The following HLF variants were observed in gnomAD, a reference collection of about 807,000 sequenced individuals.
HLF encodes HLF transcription factor, PAR bZIP family member.
In HLF, 3 loss-of-function variants were observed where a neutral mutation model predicts 22.6. The observed-to-expected ratio is 0.13, with a 90% confidence interval of 0.06 to 0.34. The LOEUF is 0.34. Among genes scored for constraint, HLF ranks in the 10% least tolerant of loss-of-function variants. HLF has a pLI of 1.00. For missense variants in HLF, 299 were observed against 389.2 expected (o/e 0.77, Z 1.95); for synonymous variants, 151 against 151.8 (o/e 0.99, Z 0.04).
chr17:55,275,021 TA>T (rs1231053143), intron 2 of HLF, among the ~76,000 whole-genome samples: 1 of 152,204 alleles, frequency 6.6e-6, no homozygotes, highest in African/African-American at 2.4e-5. Flanking sequence ...TGACCTTGAG[TA>T]GCTAACTGTA....
chr17:55,313,348 G>C (rs886164976), intron 2 of HLF, among the ~76,000 whole-genome samples: 3 of 139,012 alleles, frequency 2.2e-5, no homozygotes, highest in African/African-American at 8.1e-5. Context: ...TGGTAGAGGA[G>C]GAGGTGTGTG....
chr17:55,291,071 G>A (rs1490319028), intron 2 of HLF, among the ~76,000 whole-genome samples: 2 of 152,168 alleles, frequency 1.3e-5, no homozygotes, highest in Non-Finnish European at 2.9e-5. Context: ...AGCTAGCAGA[G>A]GTTGGTTCAT....
At chr17:55,307,677 G>A (rs904303677) in intron 2 of HLF, among the ~76,000 whole-genome samples, 5 of 152,092 alleles carry the variant, frequency 3.3e-5, no homozygotes, top group South Asian at 2.1e-4. Context: ...TCAGTAGCTC[G>A]TGCTGTCCCC....
At chr17:55,319,443 G>A (rs960345377) in intron 3 of HLF, among the ~76,000 whole-genome samples, 1 of 152,174 alleles carries the variant, frequency 6.6e-6, no homozygotes. Flanking sequence ...TGTTGAAAAA[G>A]GGGAGTTGCA....
At chr17:55,314,095 C>T (rs900065396) in intron 2 of HLF, among the ~76,000 whole-genome samples, 2 of 152,052 alleles carry the variant, frequency 1.3e-5, no homozygotes, top group African/African-American at 4.8e-5. Flanking sequence ...ATTCATGGGG[C>T]GTGAGAGGAG....
At position 55,324,815 on chromosome 17, in the gene HLF, A is replaced by G. The variant is rs910717907; in HGVS notation, c.*3936A>G. 3.8e-5 allele frequency: 8 copies of G among 208,588 alleles called. No homozygotes were observed. The highest frequency in any genetic ancestry group is 7.6e-5 in the Non-Finnish European group (8 of 104,754). 12.9% of individuals were successfully genotyped at this position (208,588 alleles called of 1,614,324 possible). A position where few individuals can be genotyped will look rare whatever the true frequency, so the allele number is the denominator to read the frequency against. On this transcript the variant is annotated 3_prime_UTR_variant, in exon 4 of 4. Transcript: ENST00000226067. ...AGTGTGTGTGTGTGTGTGTGCGTGC[A>G]TGTGTGTGTGTGTGTATGTGTGTGA...
chr17:55,275,674 T>C (rs888256745), intron 2 of HLF, among the ~76,000 whole-genome samples: 2 of 152,218 alleles, frequency 1.3e-5, no homozygotes, highest in Admixed American at 6.5e-5. Flanking sequence ...CCTTAATCTT[T>C]CTGAACCTTG....
chr17:55,320,905 G>A lies in HLF; in HGVS notation c.*26G>A. 1 of 1,558,258 alleles carries A rather than the reference G, an allele frequency of 6.4e-7. No individual in the cohort carries two copies. The highest frequency in any genetic ancestry group is 2.3e-5 in the East Asian group (1 of 44,212). Reference sequence around the variant, plus strand: ...GATGGCATTTTTGCAGGCTGGCTTTGGAATAGATGGACAGTTTGTTTCCTG... The same window carrying A: ...GATGGCATTTTTGCAGGCTGGCTTTAGAATAGATGGACAGTTTGTTTCCTG... On this transcript the variant is annotated 3_prime_UTR_variant, in exon 4 of 4. Transcript: ENST00000226067. The surrounding 1 kb of genome is among the most constrained non-coding windows in gnomAD (Gnocchi z 4.2).
At position 55,320,418 on chromosome 17, in the gene HLF, C is replaced by T. The variant is rs555702561; in HGVS notation, c.673-246C>T. Among the ~76,000 whole-genome samples, 52 of 152,302 alleles carry T rather than the reference C, an allele frequency of 3.4e-4. No individual in the cohort carries two copies. The highest frequency in any genetic ancestry group is 8.3e-4 in the South Asian group (4 of 4,826). On this transcript the variant is annotated intron_variant, in intron 3 of 3. Coordinates refer to ENST00000226067, the MANE Select transcript of HLF (RefSeq NM_002126.5). The surrounding 1 kb of genome is among the most constrained non-coding windows in gnomAD (Gnocchi z 4.2). ...CCTCTGATCTCTGCTTCACTGAGCACGCCTCTGCTGGGCAAAGAGTAGGAG... is the reference window on the plus strand; with the variant it reads ...CCTCTGATCTCTGCTTCACTGAGCATGCCTCTGCTGGGCAAAGAGTAGGAG...
At chr17:55,316,194 C>T (rs1183367343) in intron 3 of HLF, among the ~76,000 whole-genome samples, 1 of 152,232 alleles carries the variant, frequency 6.6e-6, no homozygotes, top group Non-Finnish European at 1.5e-5. Flanking sequence ...TATGCCATGT[C>T]TGCTAATGCC....
At chr17:55,293,981 A>C (rs920479109) in intron 2 of HLF, among the ~76,000 whole-genome samples, 2 of 152,132 alleles carry the variant, frequency 1.3e-5, no homozygotes, top group African/African-American at 4.8e-5. Flanking sequence ...GGACACAGAG[A>C]GGGTAGTTTT....
In HLF at chr17:55,320,829, A is replaced by C; in HGVS notation, c.838A>C (p.Lys280Gln). The part of the protein sequence containing the change: ...EVADLRKELG[K>Q]CKNILAKYEA... Reference sequence around the variant, plus strand: ...GGCTGACTTGAGGAAGGAGCTGGGCAAATGCAAGAACATACTTGCCAAGTA... The same window carrying C: ...GGCTGACTTGAGGAAGGAGCTGGGCCAATGCAAGAACATACTTGCCAAGTA... Residue 280 changes from lysine (K) to glutamine (Q), a missense_variant, in exon 4 of 4, where the codon AAA (lysine) becomes CAA (glutamine). This residue lies in a region of HLF where 224 missense variants were observed against 298.1 expected (regional missense o/e 0.75). Transcript: ENST00000226067. The surrounding 1 kb of genome is among the most constrained non-coding windows in gnomAD (Gnocchi z 4.2). 1 of 1,613,866 alleles carries C rather than the reference A, an allele frequency of 6.2e-7. No homozygotes were observed. The highest frequency in any genetic ancestry group is 8.5e-7 in the Non-Finnish European group (1 of 1,179,942).
In HLF at chr17:55,322,530, T is replaced by C. The variant is rs1905296627; in HGVS notation, c.*1651T>C. On this transcript the variant is annotated 3_prime_UTR_variant, in exon 4 of 4. Transcript: ENST00000226067. ...AAGCCCTATCACTGACACATCAGCA[T>C]GTTTTCTGCTTTAAATTAAAATTTT... 1 of 214,066 alleles carries C rather than the reference T, an allele frequency of 4.7e-6. No homozygotes were observed. The highest frequency in any genetic ancestry group is 9.5e-6 in the Non-Finnish European group (1 of 105,514). The allele number at this position is 214,066 out of a possible 1,614,324, so 13.3% of individuals were successfully genotyped here.
At chr17:55,315,195 G>A (rs1274363134) in intron 2 of HLF, 32 bp from the exon 3 acceptor site, 3 of 1,571,230 alleles carry the variant, frequency 1.9e-6, no homozygotes. Context: ...TCTCTAGGGT[G>A]TTCATGAATT....
Position 55,267,966 on chromosome 17 carries a change from C to A in HLF, c.331C>A (p.Pro111Thr). ...PSQHDHSPHP[P>T]GLQPASSAAP... is the part of the protein sequence containing the mutation. Reference sequence around the variant, plus strand: ...TCAGCATGACCACAGCCCTCACCCTCCTGGGCTGCAGCCAGCTTCCTCGGC... The same window carrying A: ...TCAGCATGACCACAGCCCTCACCCTACTGGGCTGCAGCCAGCTTCCTCGGC... The change falls in exon 2 of 4, where the codon CCT becomes ACT. Residue 111 changes from proline to threonine, a missense_variant. By Grantham distance (38) the Pro-to-Thr change is conservative (BLOSUM62 -1). Around this residue, in one of 3 missense-constraint regions of HLF, gnomAD observed 224 missense variants for 298.1 expected, o/e 0.75. Transcript: ENST00000226067. 6.2e-7 allele frequency: 1 copy of A among 1,614,120 alleles called. No homozygotes were observed.
intron 2 of HLF, among the ~76,000 whole-genome samples, chr17:55,287,070 C>T (rs905910188): frequency 6.6e-6 from 1 of 152,118 alleles, no homozygotes; most frequent in Non-Finnish European, 1.5e-5. Flanking sequence ...TGCATTAGCT[C>T]AATCAGGGGG....
Position 55,324,465 on chromosome 17 carries a change from C to G in HLF, c.*3586C>G, listed in dbSNP as rs1205571467. Reference sequence around the variant, plus strand: ...GTAGTTTATCTCATTTTACCCTATTCTTCCTTTAAGGAAAACTCAATCTTT... The same window carrying G: ...GTAGTTTATCTCATTTTACCCTATTGTTCCTTTAAGGAAAACTCAATCTTT... On this transcript the variant is annotated 3_prime_UTR_variant, in exon 4 of 4. Transcript: ENST00000226067. The G allele has an allele frequency of 8.6e-6, 2 of 231,688 alleles. No individual in the cohort carries two copies. The highest frequency in any genetic ancestry group is 4.4e-5 in the African/African-American group (2 of 45,284). 14.4% of individuals were successfully genotyped at this position (231,688 alleles called of 1,614,324 possible).
At chr17:55,311,675 T>C (rs1457914089) in intron 2 of HLF, among the ~76,000 whole-genome samples, 3 of 152,210 alleles carry the variant, frequency 2.0e-5, no homozygotes, top group Non-Finnish European at 4.4e-5. Flanking sequence ...AAATTTATTA[T>C]TATTTTTAAT....
At chr17:55,284,918 C>T (rs1465774999) in intron 2 of HLF, among the ~76,000 whole-genome samples, 1 of 152,184 alleles carries the variant, frequency 6.6e-6, no homozygotes. Context: ...CTAGGAACCT[C>T]CTCCCTTCCC....
Sources: gnomAD v4.1 joint callset for allele counts (sites outside exome capture counted in the v4.1 genomes callset) on GRCh38, gnomAD v4.1.1 for gene constraint, gnomAD v4.1.1 regional missense constraint, Gnocchi (gnomAD v3.1) non-coding constraint, MANE v1.5 for transcripts, NCBI Gene and HGNC (gene_info 2026-07-23, HGNC 2026-07-21) for gene names.